The following CACNA1I variants were observed in gnomAD, a reference collection of about 807,000 sequenced individuals.
The protein encoded by CACNA1I is calcium voltage-gated channel subunit alpha1 I.
Under a neutral mutation model 201.6 loss-of-function variants are expected in CACNA1I, and 74 were observed. The ratio of observed to expected loss-of-function variants is 0.37; its 90% confidence interval spans 0.30 to 0.45. CACNA1I has a LOEUF of 0.45. Among genes scored for constraint, CACNA1I ranks in the 20% least tolerant of loss-of-function variants. CACNA1I has a pLI of 1.00. For missense variants in CACNA1I, 2,346 were observed against 3,138.1 expected (o/e 0.75, Z 6.03); for synonymous variants, 1,431 against 1,345.2 (o/e 1.06, Z -1.40).
At chr22:39,641,306 GA>G in intron 6 of CACNA1I, 124 bp downstream of exon 6, 2 of 762,098 alleles carry the variant, frequency 2.6e-6, no homozygotes, top group Non-Finnish European at 4.3e-6. Flanking sequence ...CTTGCTGGCA[GA>G]ATAGGCATTA....
intron 1 of CACNA1I, among the ~76,000 whole-genome samples, chr22:39,582,084 G>T (rs912838188): frequency 6.6e-6 from 1 of 152,336 alleles, no homozygotes; most frequent in South Asian, 2.1e-4. Flanking sequence ...AGAGCAGGGG[G>T]TGCTGAGGAC....
At chr22:39,584,219 G>T (rs1932670514) in intron 1 of CACNA1I, among the ~76,000 whole-genome samples, 2 of 152,168 alleles carry the variant, frequency 1.3e-5, no homozygotes, top group South Asian at 2.1e-4. Flanking sequence ...GAAGGGTTTA[G>T]GTGGTGAAAT....
chr22:39,597,549 G>A (rs1254457776), intron 1 of CACNA1I, among the ~76,000 whole-genome samples: 1 of 152,244 alleles, frequency 6.6e-6, no homozygotes, highest in Non-Finnish European at 1.5e-5. Context: ...CAGGACTGAG[G>A]GGCCCAGCCC....
intron 10 of CACNA1I, 129 bp from the exon 11 acceptor site, chr22:39,658,023 T>C (rs1055045864): frequency 5.5e-6 from 5 of 906,008 alleles, no homozygotes; most frequent in Non-Finnish European, 8.7e-6. Context: ...CATGGGGCAG[T>C]GGGGAGACGG....
At chr22:39,624,202 ACG>A (rs1378231863) in intron 4 of CACNA1I, among the ~76,000 whole-genome samples, 2 of 151,906 alleles carry the variant, frequency 1.3e-5, no homozygotes, top group Non-Finnish European at 2.9e-5. Flanking sequence ...TGCGCCTTGC[ACG>A]TGTGTGTGGG....
rs561236033 is a variant in CACNA1I, at chr22:39,608,007, C to T, written c.482+7354C>T. On this transcript the variant is annotated intron_variant, in intron 3 of 36. Coordinates refer to ENST00000402142, the MANE Select transcript of CACNA1I (RefSeq NM_021096.4). ...TGGTGGCAGACACCTGTAATCCCAG[C>T]GGGAGGCTGAGGCAGGAGAACTGCT... Among the ~76,000 whole-genome samples the T allele has an allele frequency of 7.4e-5, 11 of 148,790 alleles. No homozygotes were observed. In the East Asian group the frequency reaches 1.0e-3, roughly 14 times the overall value.
intron 2 of CACNA1I, 113 bp downstream of exon 2, chr22:39,598,375 ATG>A: frequency 1.8e-6 from 1 of 551,370 alleles, no homozygotes; most frequent in South Asian, 1.9e-5. Context: ...CGCCCACTCC[ATG>A]CCCCGCCCCG....
rs1935048397 is a variant in CACNA1I, at chr22:39,662,304, G to A, written c.3241G>A (p.Ala1081Thr). The A allele has an allele frequency of 2.0e-6, 3 of 1,488,838 alleles. No individual in the cohort carries two copies. Among genetic ancestry groups the A allele is most frequent in the Non-Finnish European group, 2.7e-6 (3 of 1,127,182 alleles). The allele number at this position is 1,488,838 out of a possible 1,614,324, so 92.2% of individuals were successfully genotyped here. A position where few individuals can be genotyped will look rare whatever the true frequency, so the allele number is the denominator to read the frequency against. Residue 1081 changes from alanine to threonine, a missense_variant, in exon 17 of 37, where the codon GCC becomes ACC. Ala to Thr is a moderately conservative substitution (Grantham distance 58). This residue lies in a region of CACNA1I where 288 missense variants were observed against 255.2 expected (regional missense o/e 1.13). Transcript: ENST00000402142. Reference sequence around the variant, plus strand: ...CGCGGTGGGCGCCCACCCCCGGGCCGCCTGGAGGGCGGCAGGCCCGGCCCC... The same window carrying A: ...CGCGGTGGGCGCCCACCCCCGGGCCACCTGGAGGGCGGCAGGCCCGGCCCC... ...VPAVGAHPRAAWRAAGPAPGH... is the reference protein window; with the variant it reads ...VPAVGAHPRATWRAAGPAPGH...
At position 39,662,121 on chromosome 22, in the gene CACNA1I, G is replaced by A. The variant is rs745960402; in HGVS notation, c.3058G>A (p.Val1020Ile). Reference sequence around the variant, plus strand: ...CGGCGGCGGCGCCCGGGTCTGCGAGGTTGCCGCGGACGAGGGGCCGCCGCG... The same window carrying A: ...CGGCGGCGGCGCCCGGGTCTGCGAGATTGCCGCGGACGAGGGGCCGCCGCG... ...ERGGGARVCE[V>I]AADEGPPRAA... The change falls in exon 17 of 37, where the codon GTT (valine) becomes ATT (isoleucine). Residue 1020 changes from valine (V) to isoleucine (I), a missense_variant. Val to Ile is a conservative substitution (Grantham distance 29, BLOSUM62 3). This residue lies in a region of CACNA1I where 288 missense variants were observed against 255.2 expected (regional missense o/e 1.13). Transcript: ENST00000402142. 1 of 1,527,422 alleles carries A rather than the reference G, an allele frequency of 6.5e-7. No homozygotes were observed. 94.6% of individuals were successfully genotyped at this position (1,527,422 alleles called of 1,614,324 possible).
intron 4 of CACNA1I, among the ~76,000 whole-genome samples, chr22:39,628,468 G>A (rs921642189): frequency 2.6e-5 from 4 of 152,038 alleles, no homozygotes; most frequent in African/African-American, 4.8e-5. Context: ...TGAGACAGCC[G>A]GGCCAGCCCC....
At chr22:39,627,450 G>C (rs1933931603) in intron 4 of CACNA1I, among the ~76,000 whole-genome samples, 1 of 152,240 alleles carries the variant, frequency 6.6e-6, no homozygotes, top group Admixed American at 6.5e-5. Context: ...ATCTCTGAAA[G>C]GGGGCCGGGC....
chr22:39,646,906 G>A, intron 8 of CACNA1I, 25 bp downstream of exon 8: 1 of 1,460,118 alleles, frequency 6.8e-7, no homozygotes. Context: ...ATCCGACGCG[G>A]CACTCAGGCA....
intron 1 of CACNA1I, among the ~76,000 whole-genome samples, chr22:39,585,727 G>GTTTTTTTTTTT (rs34320968): frequency 1.2e-5 from 1 of 83,906 alleles, no homozygotes; most frequent in Non-Finnish European, 2.0e-5. Context: ...AACTTTTAAA[G>GTTTTTTTTTTT]TTTTTTTTTT....
intron 8 of CACNA1I, 39 bp downstream of exon 8, chr22:39,646,920 C>T (rs754817919): frequency 1.7e-5 from 24 of 1,453,436 alleles, no homozygotes; most frequent in East Asian, 1.5e-4. Flanking sequence ...TCAGGCACTT[C>T]GTGCCAAGTG....
At chr22:39,650,892 T>G (rs1017103640) in intron 10 of CACNA1I, among the ~76,000 whole-genome samples, 1 of 151,634 alleles carries the variant, frequency 6.6e-6, no homozygotes, top group Non-Finnish European at 1.5e-5. Context: ...GGGGAGGATG[T>G]GTGTGTGAGG....
chr22:39,656,819 A>C (rs1601503110), intron 10 of CACNA1I: 1 of 516,526 alleles, frequency 1.9e-6, no homozygotes, highest in South Asian at 1.4e-5. Context: ...CAGTCTCCTC[A>C]TCTGTAAAAC....
rs184199042 is a variant in CACNA1I at position 39,624,705 on chromosome 22, C to T, written c.580+5298C>T. 3.2e-4 allele frequency among the ~76,000 whole-genome samples: 48 copies of T among 152,292 alleles called. No individual in the cohort carries two copies. In the East Asian group the frequency reaches 7.9e-3, roughly 25 times the overall value. On this transcript the variant is annotated intron_variant, in intron 4 of 36. Coordinates refer to ENST00000402142, the MANE Select transcript of CACNA1I (RefSeq NM_021096.4). ...CATTTCGCGGGACAGACAGTTTTGT[C>T]CTCAGGTGCCAGGTCCCCTGCCCAG...
intron 24 of CACNA1I, among the ~76,000 whole-genome samples, chr22:39,668,885 CGGTGAGGGA>C (rs911410852): frequency 3.7e-4 from 56 of 152,104 alleles, no homozygotes; most frequent in African/African-American, 1.3e-3. Flanking sequence ...CAGAGAGAGC[CGGTGAGGGA>C]CTTACAGCAA....
chr22:39,642,418 C>G (rs1934373294), intron 6 of CACNA1I, among the ~76,000 whole-genome samples: 1 of 152,022 alleles, frequency 6.6e-6, no homozygotes, highest in South Asian at 2.1e-4. Flanking sequence ...CCAGCTCTGC[C>G]AGGTGGGCTC....
Sources: allele counts gnomAD v4.1 joint callset (sites outside exome capture counted in the v4.1 genomes callset), GRCh38; gene constraint gnomAD v4.1.1; regional missense constraint gnomAD v4.1.1; transcripts MANE v1.5; gene names NCBI Gene and HGNC (gene_info 2026-07-23, HGNC 2026-07-21).